RNF38: variants seen among roughly 807,000 people sequenced by gnomAD.
RNF38 encodes ring finger protein 38, also known as E3 ubiquitin-protein ligase RNF38.
Under a neutral mutation model 67.2 loss-of-function variants are expected in RNF38, and 15 were observed. That is an observed-to-expected ratio of 0.22 (90% CI 0.15 to 0.34). The LOEUF (loss-of-function observed/expected upper bound fraction) is 0.34, where lower values mean the gene tolerates loss of function less well. Among genes scored for constraint, RNF38 ranks in the 10% least tolerant of loss-of-function variants. RNF38 has a pLI of 1.00. For synonymous variants in RNF38, 220 were observed against 218.8 expected, an observed-to-expected ratio of 1.01 and a Z score of -0.05; for missense variants, 524 against 639.9, an observed-to-expected ratio of 0.82 and a Z score of 1.95.
chr9:36,421,301 C>T (rs758573472), intron 2 of RNF38, among the ~76,000 whole-genome samples: 1 of 152,182 alleles, frequency 6.6e-6, no homozygotes. Flanking sequence ...CTACCCCTAG[C>T]ACTGTGGGTT....
intron 3 of RNF38, among the ~76,000 whole-genome samples, 168 bp from the exon 4 acceptor site, chr9:36,370,100 G>T (rs1335044276): frequency 6.6e-6 from 1 of 151,872 alleles, no homozygotes; most frequent in Non-Finnish European, 1.5e-5. Context: ...TAAATACAAG[G>T]TATATGTTTT....
intron 3 of RNF38, chr9:36,372,639 T>C (rs1352500786): frequency 1.6e-6 from 1 of 624,862 alleles, no homozygotes; most frequent in Non-Finnish European, 2.9e-6. Flanking sequence ...TAAGACACAC[T>C]GCTGAAAAAA....
intron 1 of RNF38, among the ~76,000 whole-genome samples, chr9:36,479,362 G>A (rs77185282): frequency 0.05 from 7,655 of 152,266 alleles, 597 homozygotes; most frequent in African/African-American, 0.17. Flanking sequence ...AGGAACTGGA[G>A]CCACTATGGT....
intron 1 of RNF38, among the ~76,000 whole-genome samples, chr9:36,482,319 C>T (rs1413607552): frequency 3.4e-5 from 5 of 144,940 alleles, no homozygotes; most frequent in African/African-American, 5.1e-5. Context: ...TCCCAAAGTG[C>T]TGGGATTACA....
chr9:36,451,462 A>G (rs1396600522), intron 1 of RNF38, among the ~76,000 whole-genome samples: 1 of 147,312 alleles, frequency 6.8e-6, no homozygotes, highest in African/African-American at 2.5e-5. Flanking sequence ...GTGAAACTCC[A>G]TCTTAAAGAA....
intron 1 of RNF38, among the ~76,000 whole-genome samples, chr9:36,432,074 GATAA>G (rs1273385752): frequency 1.3e-5 from 2 of 152,100 alleles, no homozygotes; most frequent in Admixed American, 6.5e-5. Context: ...TGAGTTGTGA[GATAA>G]ATAATCTAAT....
chr9:36,346,530 C>T (rs12347593), intron 9 of RNF38, among the ~76,000 whole-genome samples: 136,039 of 152,106 alleles, frequency 0.89, 61,706 homozygotes, highest in Non-Finnish European at 0.98. Flanking sequence ...TACCTCCTTT[C>T]CTTAATGACT....
At chr9:36,485,644 T>C (rs1002030537) in intron 1 of RNF38, among the ~76,000 whole-genome samples, 1 of 152,178 alleles carries the variant, frequency 6.6e-6, no homozygotes, top group African/African-American at 2.4e-5. Context: ...ATCTAACCCA[T>C]CTTGTCTGAA....
intron 1 of RNF38, among the ~76,000 whole-genome samples, chr9:36,449,626 G>T (rs909049681): frequency 2.0e-5 from 3 of 152,054 alleles, no homozygotes; most frequent in African/African-American, 7.2e-5. Flanking sequence ...TAATAGAGAC[G>T]GGGTTTCACC....
At position 36,352,730 on chromosome 9, in the gene RNF38, G is replaced by A. The variant is rs777858461; in HGVS notation, c.1178+12C>T. The A allele has an allele frequency of 2.3e-5, 36 of 1,574,504 alleles. 1 individual carries two copies. In the South Asian group the frequency reaches 3.9e-4, roughly 17 times the overall value. On this transcript the variant is annotated intron_variant, in intron 8 of 11. Coordinates refer to ENST00000259605, the MANE Select transcript of RNF38 (RefSeq NM_022781.5). ...CAAAATTCAGAAATCATTAAGATAA[G>A]AAAGAACTTACAACACATATGGCAG...
intron 3 of RNF38, among the ~76,000 whole-genome samples, chr9:36,373,674 C>A (rs1835562925): frequency 6.6e-6 from 1 of 150,998 alleles, no homozygotes; most frequent in African/African-American, 2.4e-5. Flanking sequence ...CAGGTTTTGC[C>A]ATTTTGCCCA....
intron 1 of RNF38, among the ~76,000 whole-genome samples, chr9:36,428,140 G>A (rs968915480): frequency 6.6e-6 from 1 of 152,014 alleles, no homozygotes; most frequent in African/African-American, 2.4e-5. Context: ...AATGAGGCCA[G>A]GCGCGGTGGC....
intron 1 of RNF38, among the ~76,000 whole-genome samples, chr9:36,443,807 A>G (rs546956063): frequency 6.6e-6 from 1 of 152,334 alleles, no homozygotes; most frequent in Admixed American, 6.5e-5. Flanking sequence ...GAGCGAGTGG[A>G]GAGAAAACAG....
chr9:36,353,149 T>C (rs779099174), intron 7 of RNF38, 21 bp downstream of exon 7: 6 of 1,603,228 alleles, frequency 3.7e-6, no homozygotes, highest in Non-Finnish European at 5.1e-6. Context: ...GTAATTAACA[T>C]AGTACTCTGT....
At chr9:36,347,138 G>T (rs865922205) in intron 9 of RNF38, among the ~76,000 whole-genome samples, 3,819 of 34,636 alleles carry the variant, frequency 0.11, 139 homozygotes, top group Middle Eastern at 0.17. Context: ...GGGGGGGGGG[G>T]GGGGGGGGGG....
upstream of RNF38, among the ~76,000 whole-genome samples, chr9:36,401,807 A>T (rs1838045041): frequency 1.3e-5 from 2 of 152,246 alleles, no homozygotes; most frequent in African/African-American, 2.4e-5. Context: ...AAGGATGGTG[A>T]TCATATTTTA....
chr9:36,349,468 T>C lies in RNF38; in HGVS notation c.1263+1647A>G, dbSNP rs533867178. On this transcript the variant is annotated intron_variant, in intron 9 of 11. Coordinates refer to ENST00000259605, the MANE Select transcript of RNF38 (RefSeq NM_022781.5). ...AGGTCCTCCACCCATTTTTTTTAAA[T>C]TGGGTTATTCATTTTTTTTGCTACT... is the stretch of plus-strand genomic sequence containing the variant. Among the ~76,000 whole-genome samples the C allele has an allele frequency of 6.6e-5, 10 of 152,324 alleles. No homozygotes were observed. In the South Asian group the frequency reaches 1.0e-3, roughly 16 times the overall value.
chr9:36,442,367 C>T (rs1196804526), intron 1 of RNF38, among the ~76,000 whole-genome samples: 5 of 152,178 alleles, frequency 3.3e-5, no homozygotes, highest in Admixed American at 6.5e-5. Context: ...AATAAAATCC[C>T]TTCCCTCCAT....
chr9:36,399,975 A>C, intron 1 of RNF38, 122 bp downstream of exon 1: 1 of 851,478 alleles, frequency 1.2e-6, no homozygotes, highest in Non-Finnish European at 1.8e-6. Context: ...AAGAAATGGC[A>C]ATTCATATAA....
Sources: gnomAD v4.1 joint callset for allele counts (sites outside exome capture counted in the v4.1 genomes callset) on GRCh38, gnomAD v4.1.1 for gene constraint, MANE v1.5 for transcripts, NCBI Gene and HGNC (gene_info 2026-07-23, HGNC 2026-07-21) for gene names.